Variants in CSMD1 observed in about 807,000 individuals in gnomAD.
CSMD1 encodes CUB and Sushi multiple domains 1, also known as CUB and sushi domain-containing protein 1.
A neutral mutation model predicts 417.5 loss-of-function variants in CSMD1; 213 were observed. The ratio of observed to expected loss-of-function variants is 0.51; its 90% confidence interval spans 0.46 to 0.57. The LOEUF is 0.57. CSMD1 is among the 20% of genes least tolerant of loss of function. CSMD1 has a pLI of 0.00. For missense variants in CSMD1, 6,923 were observed against 4,529.7 expected, an observed-to-expected ratio of 1.53 and a Z score of -15.17; for synonymous variants, 2,862 against 1,736.8, an observed-to-expected ratio of 1.65 and a Z score of -16.11.
chr8:3,124,741 A>G (rs1249676263), intron 41 of CSMD1, among the ~76,000 whole-genome samples: 2 of 152,232 alleles, frequency 1.3e-5, no homozygotes, highest in African/African-American at 4.8e-5. Context: ...AACACATTTT[A>G]TAAGTGGACA....
intron 2 of CSMD1, among the ~76,000 whole-genome samples, chr8:4,627,486 G>C (rs184571830): frequency 9.2e-5 from 14 of 152,242 alleles, no homozygotes; most frequent in Admixed American, 9.2e-4. Flanking sequence ...ACTGATTCTT[G>C]ACACTTTCTT....
chr8:3,837,923 G>A (rs1802815163), intron 5 of CSMD1, among the ~76,000 whole-genome samples: 1 of 152,048 alleles, frequency 6.6e-6, no homozygotes, highest in Non-Finnish European at 1.5e-5. Flanking sequence ...TGAATATACT[G>A]TTTTTCAAAT....
intron 5 of CSMD1, among the ~76,000 whole-genome samples, chr8:3,903,335 A>G (rs1807889724): frequency 6.6e-6 from 1 of 152,208 alleles, no homozygotes; most frequent in South Asian, 2.1e-4. Context: ...CAGCTAAAAA[A>G]AAAAAATGTA....
chr8:4,098,783 T>A (rs954390348), intron 3 of CSMD1, among the ~76,000 whole-genome samples: 1 of 152,184 alleles, frequency 6.6e-6, no homozygotes, highest in Non-Finnish European at 1.5e-5. Context: ...TTGCAGTCAT[T>A]ACTAATAAGA....
At chr8:3,623,704 G>C (rs1187655309) in intron 7 of CSMD1, among the ~76,000 whole-genome samples, 1 of 152,128 alleles carries the variant, frequency 6.6e-6, no homozygotes, top group African/African-American at 2.4e-5. Flanking sequence ...GGCCGGGCGT[G>C]GGGGCTCATG....
chr8:4,494,076 G>A (rs1725125), intron 2 of CSMD1, among the ~76,000 whole-genome samples: 2,648 of 152,260 alleles, frequency 0.017, 71 homozygotes, highest in African/African-American at 0.061. Context: ...CTATCTAGTG[G>A]ACAACACAAG....
chr8:3,359,621 G>C (rs761032914), intron 20 of CSMD1, among the ~76,000 whole-genome samples: 1 of 151,708 alleles, frequency 6.6e-6, no homozygotes, highest in Non-Finnish European at 1.5e-5. Flanking sequence ...GAAGGATAAA[G>C]TGATGTTGGT....
chr8:3,717,931 G>A (rs993701009), intron 6 of CSMD1, among the ~76,000 whole-genome samples: 4 of 152,034 alleles, frequency 2.6e-5, no homozygotes, highest in Admixed American at 2.6e-4. Flanking sequence ...TTTAGTCAAG[G>A]CTGTTAATCT....
At chr8:3,292,680 T>C (rs541415325) in intron 25 of CSMD1, among the ~76,000 whole-genome samples, 1,654 of 152,330 alleles carry the variant, frequency 0.011, 29 homozygotes, top group African/African-American at 0.037. Context: ...ATTTGCTTGG[T>C]AGATCTTCCT....
At chr8:4,892,885 T>A (rs1804219444) in intron 1 of CSMD1, among the ~76,000 whole-genome samples, 1 of 152,158 alleles carries the variant, frequency 6.6e-6, no homozygotes. Flanking sequence ...ATTAGACTGT[T>A]TTCCCTTTGG....
chr8:4,970,819 G>A (rs1379758584), intron 1 of CSMD1, among the ~76,000 whole-genome samples: 1 of 151,982 alleles, frequency 6.6e-6, no homozygotes, highest in African/African-American at 2.4e-5. Flanking sequence ...TAATACCCTA[G>A]CTCTAGTCAT....
At chr8:3,286,728 T>A (rs1803189918) in intron 25 of CSMD1, among the ~76,000 whole-genome samples, 1 of 152,092 alleles carries the variant, frequency 6.6e-6, no homozygotes, top group Admixed American at 6.6e-5. Context: ...TATTAGCCCT[T>A]TGTCAGATGA....
chr8:4,101,947 A>G (rs946268544), intron 3 of CSMD1, among the ~76,000 whole-genome samples: 13 of 152,282 alleles, frequency 8.5e-5, no homozygotes, highest in Non-Finnish European at 1.5e-4. Flanking sequence ...TAGAGCTTCT[A>G]ATAGAGAAAG....
At position 4,726,300 on chromosome 8, in the gene CSMD1, G is replaced by A. The variant is rs926605300; in HGVS notation, c.86-88742C>T. Among the ~76,000 whole-genome samples, 6 of 151,720 alleles carry A rather than the reference G, an allele frequency of 4.0e-5. No individual in the cohort carries two copies. In the East Asian group the frequency reaches 9.7e-4, roughly 25 times the overall value. ...TCCTTTGTAGTAATGGCGACTAAGT[G>A]GGTAGCGGGTTCTTTAAAAAAAAAA... On this transcript the variant is annotated intron_variant, in intron 1 of 69. Transcript: ENST00000635120.
At position 4,138,285 on chromosome 8, in the gene CSMD1, GA is replaced by G. The variant is rs1803561181; in HGVS notation, c.416-106187del. Among the ~76,000 whole-genome samples, 2 of 147,508 alleles carry G rather than the reference GA, an allele frequency of 1.4e-5. 1 individual carries two copies. Among genetic ancestry groups the G allele is most frequent in the Non-Finnish European group, 3.0e-5 (2 of 67,510 alleles). ...GGCTATGCCATAAACTAAATGGCAA[GA>G]TGCAGGTTTCAGAATCATACACTTC... On this transcript the variant is annotated intron_variant, in intron 3 of 69. Transcript: ENST00000635120.
rs4347012 is a variant in CSMD1 at position 3,690,683 on chromosome 8, G to C, written c.1009+17731C>G. 1.0e-2 allele frequency among the ~76,000 whole-genome samples: 1,518 copies of C among 152,216 alleles called. 12 individuals are homozygous for C. Among genetic ancestry groups the C allele is most frequent in the Non-Finnish European group, 0.016 (1,073 of 68,022 alleles). The stretch of plus-strand genomic sequence containing the variant: ...AGGGGCTGTGTGGAGTTGTAGGAAG[G>C]CTGAGAAGTACATAAAGCGCATAGC... On this transcript the variant is annotated intron_variant, in intron 7 of 69. Coordinates refer to ENST00000635120, the MANE Select transcript of CSMD1 (RefSeq NM_033225.6).
chr8:3,592,515 G>C (rs75228628), intron 8 of CSMD1, among the ~76,000 whole-genome samples: 6 of 152,104 alleles, frequency 3.9e-5, no homozygotes, highest in East Asian at 1.9e-4. Flanking sequence ...TTGTAAAATG[G>C]AGATGGATGG....
chr8:4,764,005 A>G (rs1170152545), intron 1 of CSMD1, among the ~76,000 whole-genome samples: 2 of 152,210 alleles, frequency 1.3e-5, no homozygotes, highest in Non-Finnish European at 2.9e-5. Flanking sequence ...CTAGTTTTTC[A>G]TTTAGATCTT....
At chr8:3,974,069 T>G (rs963892672) in intron 5 of CSMD1, among the ~76,000 whole-genome samples, 1 of 152,056 alleles carries the variant, frequency 6.6e-6, no homozygotes, top group African/African-American at 2.4e-5. Flanking sequence ...CTCGTTGTGC[T>G]CTGAAATGGT....
Sources: allele counts gnomAD v4.1 joint callset (sites outside exome capture counted in the v4.1 genomes callset), GRCh38; gene constraint gnomAD v4.1.1; transcripts MANE v1.5; gene names NCBI Gene and HGNC (gene_info 2026-07-23, HGNC 2026-07-21).